The following CYP39A1 variants were observed in gnomAD, a reference collection of about 807,000 sequenced individuals.
CYP39A1 encodes the protein cytochrome P450 family 39 subfamily A member 1.
Under a neutral mutation model 58.1 loss-of-function variants are expected in CYP39A1, and 49 were observed. The observed-to-expected ratio is 0.84, with a 90% CI of 0.67 to 1.07. The LOEUF is 1.07. Ranked by LOEUF, CYP39A1 falls within the 50% of genes least tolerant of loss-of-function variation. The pLI is 0.00. For missense variants in CYP39A1, 531 were observed against 539.4 expected (o/e 0.98, Z 0.16); for synonymous variants, 209 against 187.6 (o/e 1.11, Z -0.93).
Position 46,580,633 on chromosome 6 carries a change from T to C in CYP39A1, c.1250+6444A>G, listed in dbSNP as rs556963443. Among the ~76,000 whole-genome samples the C allele has an allele frequency of 2.6e-5, 4 of 152,176 alleles. No homozygotes were observed. The South Asian group carries it at 8.3e-4, about 32-fold the overall frequency. On this transcript the variant is annotated intron_variant, in intron 10 of 11. Transcript: ENST00000275016. ...ACAAAGGTCTAATATCCAGAATCTG[T>C]AAGGAACTTAAATCAGCAAGCAAAA...
chr6:46,595,940 CTT>C, intron 8 of CYP39A1, 45 bp downstream of exon 8: 1 of 1,572,926 alleles, frequency 6.4e-7, no homozygotes, highest in Non-Finnish European at 8.6e-7. Flanking sequence ...AAAATGTGTA[CTT>C]TTTTTGTAGA....
At chr6:46,560,456 A>G (rs1217384127) in intron 10 of CYP39A1, among the ~76,000 whole-genome samples, 2 of 152,198 alleles carry the variant, frequency 1.3e-5, no homozygotes, top group Non-Finnish European at 2.9e-5. Context: ...GATGACTCCA[A>G]AGTTTTCGAC....
chr6:46,564,360 AT>A (rs1291430884), intron 10 of CYP39A1, among the ~76,000 whole-genome samples: 1 of 151,168 alleles, frequency 6.6e-6, no homozygotes, highest in Non-Finnish European at 1.5e-5. Flanking sequence ...CACCCAAGTA[AT>A]TTTTTTGTAT....
At chr6:46,607,658 T>C (rs886202606) in intron 7 of CYP39A1, among the ~76,000 whole-genome samples, 1 of 152,264 alleles carries the variant, frequency 6.6e-6, no homozygotes, top group Middle Eastern at 3.4e-3. Flanking sequence ...ATTCAGACCT[T>C]TGGAAACATA....
At chr6:46,566,114 G>A (rs1189943865) in intron 10 of CYP39A1, among the ~76,000 whole-genome samples, 1 of 152,132 alleles carries the variant, frequency 6.6e-6, no homozygotes, top group East Asian at 1.9e-4. Flanking sequence ...AAGATTATAA[G>A]TGGCTGTTAC....
chr6:46,574,729 G>A (rs1474599954), intron 10 of CYP39A1, among the ~76,000 whole-genome samples: 1 of 152,014 alleles, frequency 6.6e-6, no homozygotes, highest in Non-Finnish European at 1.5e-5. Flanking sequence ...ATGGGGGCTG[G>A]AGATCTATTT....
At chr6:46,595,495 C>A (rs979341865) in intron 8 of CYP39A1, among the ~76,000 whole-genome samples, 2 of 151,754 alleles carry the variant, frequency 1.3e-5, no homozygotes, top group Admixed American at 6.6e-5. Flanking sequence ...GAATGACAAA[C>A]CACATATAAG....
intron 5 of CYP39A1, among the ~76,000 whole-genome samples, chr6:46,634,368 C>T (rs1018976014): frequency 1.3e-5 from 2 of 152,078 alleles, no homozygotes; most frequent in South Asian, 2.1e-4. Context: ...TGCCCAGTCT[C>T]GGGTATGTCT....
chr6:46,587,541 C>A (rs568344070), intron 9 of CYP39A1, among the ~76,000 whole-genome samples: 4 of 152,100 alleles, frequency 2.6e-5, no homozygotes, highest in Non-Finnish European at 5.9e-5. Flanking sequence ...GCTTGGGATG[C>A]AGAATGAATG....
At chr6:46,625,725 C>G (rs1055334597) in intron 6 of CYP39A1, among the ~76,000 whole-genome samples, 2 of 151,722 alleles carry the variant, frequency 1.3e-5, no homozygotes, top group African/African-American at 4.8e-5. Flanking sequence ...TTTATTTTGT[C>G]ACTATAATTT....
At chr6:46,586,481 C>T (rs1245737398) in intron 10 of CYP39A1, 1 of 983,530 alleles carries the variant, frequency 1.0e-6, no homozygotes, top group Non-Finnish European at 1.2e-6. Context: ...ATGAGATGTT[C>T]AAAAACCTTT....
intron 7 of CYP39A1, among the ~76,000 whole-genome samples, chr6:46,617,734 C>T (rs562613299): frequency 2.0e-5 from 3 of 152,222 alleles, no homozygotes; most frequent in East Asian, 1.9e-4. Flanking sequence ...TTTCACATTC[C>T]TCGTGCATAA....
At chr6:46,566,163 C>T (rs887324359) in intron 10 of CYP39A1, among the ~76,000 whole-genome samples, 7 of 152,158 alleles carry the variant, frequency 4.6e-5, no homozygotes, top group African/African-American at 1.7e-4. Flanking sequence ...TTCCTGACTG[C>T]AGCCAGGATT....
At chr6:46,575,377 T>C (rs1013719492) in intron 10 of CYP39A1, among the ~76,000 whole-genome samples, 5 of 152,174 alleles carry the variant, frequency 3.3e-5, no homozygotes, top group African/African-American at 1.2e-4. Context: ...GCAGTCTGAT[T>C]TGAGCACACC....
intron 7 of CYP39A1, among the ~76,000 whole-genome samples, chr6:46,606,689 A>G (rs768854663): frequency 1.3e-5 from 2 of 152,212 alleles, no homozygotes; most frequent in Non-Finnish European, 2.9e-5. Flanking sequence ...AAAATCAAGT[A>G]AAAGAAATGA....
intron 1 of CYP39A1, among the ~76,000 whole-genome samples, chr6:46,645,623 C>T (rs949255859): frequency 1.3e-5 from 2 of 152,094 alleles, no homozygotes; most frequent in Non-Finnish European, 2.9e-5. Context: ...TTCTATTCTA[C>T]TTTTTCAAAA....
chr6:46,563,159 A>C (rs1771073301), intron 10 of CYP39A1, among the ~76,000 whole-genome samples: 1 of 151,834 alleles, frequency 6.6e-6, no homozygotes, highest in Non-Finnish European at 1.5e-5. Flanking sequence ...TTACTATGTC[A>C]CTGAATTTTG....
chr6:46,613,672 T>G (rs1481442622), intron 7 of CYP39A1, among the ~76,000 whole-genome samples: 1 of 150,176 alleles, frequency 6.7e-6, no homozygotes, highest in Non-Finnish European at 1.5e-5. Flanking sequence ...AATGCAAAAG[T>G]GAAAAAAATT....
In CYP39A1 at chr6:46,636,428, T is replaced by C. The variant is rs1345877835; in HGVS notation, c.693A>G (p.Pro231=). 1 of 1,610,184 alleles carries C rather than the reference T, an allele frequency of 6.2e-7. No individual in the cohort carries two copies. Among genetic ancestry groups the C allele is most frequent in the Non-Finnish European group, 8.5e-7 (1 of 1,179,162 alleles). ...WFLELFEKNI[P]DIKACKSAKD... Reference sequence around the variant, plus strand: ...TTGCAGATTTACATGCTTTTATATCTGGAATGTTTTTCTCAAACAGTTCCA... The same window carrying C: ...TTGCAGATTTACATGCTTTTATATCCGGAATGTTTTTCTCAAACAGTTCCA... Residue 231 remains proline (P), a synonymous_variant, in exon 5 of 12, where the codon CCA becomes CCG. Coordinates refer to ENST00000275016, the MANE Select transcript of CYP39A1 (RefSeq NM_016593.5).
Sources: allele counts gnomAD v4.1 joint callset (sites outside exome capture counted in the v4.1 genomes callset), GRCh38; gene constraint gnomAD v4.1.1; transcripts MANE v1.5; gene names NCBI Gene and HGNC (gene_info 2026-07-23, HGNC 2026-07-21).